The following MGAT4C variants were observed in gnomAD, a reference collection of about 807,000 sequenced individuals.
MGAT4C encodes alpha-1,3-mannosyl-glycoprotein 4-beta-N-acetylglucosaminyltransferase C.
Under a neutral mutation model 40.1 loss-of-function variants are expected in MGAT4C, and 19 were observed. That is an observed-to-expected ratio of 0.47 (90% CI 0.33 to 0.70). The LOEUF (loss-of-function observed/expected upper bound fraction) is 0.70, where lower values mean the gene tolerates loss of function less well. Ranked by LOEUF, MGAT4C falls within the 30% of genes least tolerant of loss-of-function variation. The probability of loss-of-function intolerance (pLI) is 0.02; values close to 1 mark genes in which losing one functional copy is unlikely to be tolerated. For synonymous variants in MGAT4C, 181 were observed against 187.1 expected (o/e 0.97, Z 0.27); for missense variants, 491 against 563.2 (o/e 0.87, Z 1.30).
chr12:86,802,618 C>A (rs951485558), intron 1 of MGAT4C, among the ~76,000 whole-genome samples: 2 of 151,272 alleles, frequency 1.3e-5, no homozygotes, highest in Non-Finnish European at 3.0e-5. Flanking sequence ...TATACACCAA[C>A]AACAGACAAA....
intron 1 of MGAT4C, among the ~76,000 whole-genome samples, chr12:86,053,574 T>G (rs1486785000): frequency 6.6e-6 from 1 of 151,572 alleles, no homozygotes; most frequent in Non-Finnish European, 1.5e-5. Flanking sequence ...AAGCAAAAAA[T>G]AGACAAATGG....
chr12:86,517,333 A>G (rs1958709147), intron 2 of MGAT4C, among the ~76,000 whole-genome samples: 1 of 152,220 alleles, frequency 6.6e-6, no homozygotes, highest in Non-Finnish European at 1.5e-5. Flanking sequence ...TTCATGTCAC[A>G]TATATACTGA....
At chr12:86,686,648 C>T (rs981097096) in intron 2 of MGAT4C, among the ~76,000 whole-genome samples, 2 of 152,122 alleles carry the variant, frequency 1.3e-5, no homozygotes, top group African/African-American at 2.4e-5. Flanking sequence ...TATTGATTTT[C>T]ATATGTTGAA....
At chr12:86,003,326 C>G (rs1359684022) in intron 2 of MGAT4C, among the ~76,000 whole-genome samples, 1 of 152,052 alleles carries the variant, frequency 6.6e-6, no homozygotes, top group Non-Finnish European at 1.5e-5. Context: ...TTTTATTCCA[C>G]TTGGGCTTAC....
At chr12:86,392,593 C>G (rs1193160364) in intron 3 of MGAT4C, among the ~76,000 whole-genome samples, 1 of 152,118 alleles carries the variant, frequency 6.6e-6, no homozygotes, top group East Asian at 1.9e-4. Flanking sequence ...GATATTTAAT[C>G]AAGACAAAGT....
chr12:86,055,994 T>C (rs1239065796), intron 1 of MGAT4C, among the ~76,000 whole-genome samples: 1 of 152,130 alleles, frequency 6.6e-6, no homozygotes, highest in Non-Finnish European at 1.5e-5. Flanking sequence ...ACTCTCTAGC[T>C]AAGTAAAATA....
chr12:86,350,098 G>A (rs1435199167), intron 3 of MGAT4C, among the ~76,000 whole-genome samples: 1 of 151,952 alleles, frequency 6.6e-6, no homozygotes, highest in Non-Finnish European at 1.5e-5. Context: ...TCTTTGAAGG[G>A]GAAACTCAAA....
In MGAT4C at chr12:86,250,330, T is replaced by TGAGAGA. The variant is rs3047014; in HGVS notation, c.-57+5903_-57+5908dup. The stretch of plus-strand genomic sequence containing the variant: ...ACAAGCAACCTACACACACACACAC[T>TGAGAGA]GAGAGAGAGAGAGAGAGAGAGAGAG... On this transcript the variant is annotated intron_variant, in intron 1 of 4. Transcript: ENST00000611864. Among the ~76,000 whole-genome samples the TGAGAGA allele has an allele frequency of 7.0e-3, 1,006 of 142,830 alleles. 3 individuals carry two copies. Among genetic ancestry groups the TGAGAGA allele is most frequent in the East Asian group, 0.025 (121 of 4,808 alleles). 93.7% of individuals were successfully genotyped at this position (142,830 alleles called of 152,430 possible).
intron 1 of MGAT4C, among the ~76,000 whole-genome samples, chr12:86,070,930 T>C (rs1427261081): frequency 6.6e-6 from 1 of 152,070 alleles, no homozygotes; most frequent in Non-Finnish European, 1.5e-5. Context: ...GTAATGCTTT[T>C]AAATGGGGAT....
intron 3 of MGAT4C, among the ~76,000 whole-genome samples, chr12:86,413,213 T>A (rs1287991138): frequency 2.6e-5 from 4 of 152,126 alleles, no homozygotes. Context: ...TGTAGACATT[T>A]CACAGATAGA....
chr12:86,545,081 C>T (rs1197422816), intron 2 of MGAT4C, among the ~76,000 whole-genome samples: 3 of 151,970 alleles, frequency 2.0e-5, no homozygotes, highest in African/African-American at 7.2e-5. Flanking sequence ...CGCTATGGAT[C>T]TAAAGGGATA....
intron 2 of MGAT4C, among the ~76,000 whole-genome samples, chr12:86,049,097 AAGT>A (rs1444190417): frequency 1.3e-5 from 2 of 152,090 alleles, no homozygotes; most frequent in African/African-American, 4.8e-5. Context: ...TGGTGGGAAA[AAGT>A]AGTAAATGTG....
Position 86,130,300 on chromosome 12 carries a change from A to G in MGAT4C, c.-56-80577T>C, listed in dbSNP as rs1006362598. 2.0e-5 allele frequency among the ~76,000 whole-genome samples: 3 copies of G among 152,138 alleles called. No homozygotes were observed. The East Asian group carries it at 5.8e-4, about 29-fold the overall frequency. ...TATCACAAAAATGAAAATACCCCAC[A>G]TAAATCCATATTGAATATGAAATAT... On this transcript the variant is annotated intron_variant, in intron 1 of 4. Coordinates refer to ENST00000611864, the MANE Select transcript of MGAT4C (RefSeq NM_001351288.2).
At chr12:86,382,434 G>A (rs1565720238) in intron 3 of MGAT4C, among the ~76,000 whole-genome samples, 1 of 152,172 alleles carries the variant, frequency 6.6e-6, no homozygotes, top group East Asian at 1.9e-4. Context: ...TAAAAGGGAA[G>A]CAGAGCATAA....
intron 2 of MGAT4C, among the ~76,000 whole-genome samples, chr12:86,686,698 G>A (rs919758523): frequency 6.6e-6 from 1 of 152,182 alleles, no homozygotes; most frequent in African/African-American, 2.4e-5. Context: ...CTTGATCATG[G>A]TGGATAAGCT....
intron 3 of MGAT4C, among the ~76,000 whole-genome samples, chr12:86,374,895 C>T (rs558424115): frequency 6.6e-6 from 1 of 152,108 alleles, no homozygotes; most frequent in South Asian, 2.1e-4. Context: ...ATTTCTATTT[C>T]AGTCTTTCAG....
At chr12:86,384,862 C>T (rs1218010927) in intron 3 of MGAT4C, among the ~76,000 whole-genome samples, 1 of 152,174 alleles carries the variant, frequency 6.6e-6, no homozygotes, top group Non-Finnish European at 1.5e-5. Context: ...TCACCAGCTA[C>T]TCCTCTGCTC....
chr12:86,535,891 A>T (rs544417523), intron 2 of MGAT4C, among the ~76,000 whole-genome samples: 1 of 152,242 alleles, frequency 6.6e-6, no homozygotes, highest in South Asian at 2.1e-4. Flanking sequence ...ATGTGTAAAC[A>T]AAACATACAT....
chr12:86,342,597 C>A (rs1314707499), intron 3 of MGAT4C, among the ~76,000 whole-genome samples: 1 of 152,130 alleles, frequency 6.6e-6, no homozygotes, highest in South Asian at 2.1e-4. Flanking sequence ...CATCACCACG[C>A]CCGGCTAATT....
Sources: gnomAD v4.1 joint callset for allele counts (sites outside exome capture counted in the v4.1 genomes callset) on GRCh38, gnomAD v4.1.1 for gene constraint, MANE v1.5 for transcripts, NCBI Gene and HGNC (gene_info 2026-07-23, HGNC 2026-07-21) for gene names.